Variants in CFAP299 observed in about 807,000 individuals in gnomAD.
The protein encoded by CFAP299 is cilia and flagella associated protein 299, also known as cilia- and flagella-associated protein 299.
Under a neutral mutation model 27.0 loss-of-function variants are expected in CFAP299, and 21 were observed. That is an observed-to-expected ratio of 0.78 (90% CI 0.55 to 1.12). CFAP299 has a LOEUF of 1.12. CFAP299 is among the 50% of genes most tolerant of loss of function. The probability of loss-of-function intolerance (pLI) is 0.00; values close to 1 mark genes in which losing one functional copy is unlikely to be tolerated. For missense variants in CFAP299, 310 were observed against 276.6 expected, an observed-to-expected ratio of 1.12 and a Z score of -0.86; for synonymous variants, 104 against 98.1, an observed-to-expected ratio of 1.06 and a Z score of -0.36.
At chr4:80,382,296 T>C (rs1724740857) in intron 2 of CFAP299, among the ~76,000 whole-genome samples, 1 of 152,210 alleles carries the variant, frequency 6.6e-6, no homozygotes, top group Non-Finnish European at 1.5e-5. Context: ...GCAAAACTGC[T>C]TGTCAGTCAA....
At chr4:80,943,286 C>T (rs751030259) in intron 4 of CFAP299, among the ~76,000 whole-genome samples, 2 of 151,996 alleles carry the variant, frequency 1.3e-5, no homozygotes, top group Non-Finnish European at 2.9e-5. Flanking sequence ...CTCCCAGTGA[C>T]ATAAATATAT....
Position 80,658,138 on chromosome 4 carries a change from C to A in CFAP299, c.333+74955C>A, listed in dbSNP as rs189499536. Among the ~76,000 whole-genome samples the A allele has an allele frequency of 5.0e-3, 768 of 152,188 alleles. 5 individuals are homozygous for A. Among genetic ancestry groups the A allele is most frequent in the Middle Eastern group, 0.02 (6 of 294 alleles). On this transcript the variant is annotated intron_variant, in intron 3 of 5. Coordinates refer to ENST00000358105, the MANE Select transcript of CFAP299 (RefSeq NM_152770.3). ...AGCTTAAGGAGATTTTGGGCTGAGA[C>A]GATGGGGTTTTCTAGGTATACAATC...
chr4:80,803,679 A>T (rs1728723075), intron 3 of CFAP299, among the ~76,000 whole-genome samples: 1 of 150,366 alleles, frequency 6.7e-6, no homozygotes, highest in Non-Finnish European at 1.5e-5. Context: ...AGTAAAATTA[A>T]TTTTATTATT....
At chr4:80,346,210 T>C (rs913998183) in intron 1 of CFAP299, among the ~76,000 whole-genome samples, 59 of 152,306 alleles carry the variant, frequency 3.9e-4, no homozygotes, top group Non-Finnish European at 6.8e-4. Flanking sequence ...AAAATTTTCT[T>C]CCATTCTGTA....
At chr4:80,750,372 T>C (rs1724862907) in intron 3 of CFAP299, among the ~76,000 whole-genome samples, 1 of 152,164 alleles carries the variant, frequency 6.6e-6, no homozygotes, top group African/African-American at 2.4e-5. Flanking sequence ...TTATTATATA[T>C]AATTACTGGG....
chr4:80,569,632 A>G (rs752063273), intron 2 of CFAP299, among the ~76,000 whole-genome samples: 5 of 152,082 alleles, frequency 3.3e-5, no homozygotes, highest in Non-Finnish European at 5.9e-5. Context: ...GCAAAATTGC[A>G]TGATGCAAGG....
chr4:80,385,005 A>C (rs1453446064), intron 2 of CFAP299, among the ~76,000 whole-genome samples: 2 of 152,208 alleles, frequency 1.3e-5, no homozygotes. Flanking sequence ...TAGGGTATAA[A>C]AAGTGATGTT....
chr4:80,490,035 G>A (rs896830611), intron 2 of CFAP299, among the ~76,000 whole-genome samples: 1 of 152,122 alleles, frequency 6.6e-6, no homozygotes, highest in Admixed American at 6.5e-5. Flanking sequence ...GCAGAAATTA[G>A]TATCTCCTGA....
intron 2 of CFAP299, among the ~76,000 whole-genome samples, chr4:80,393,203 AAG>A (rs1725588048): frequency 6.6e-6 from 1 of 152,222 alleles, no homozygotes. Context: ...ATATTAAAAA[AAG>A]AAAATATTTT....
chr4:80,448,607 G>A (rs970090724), intron 2 of CFAP299, among the ~76,000 whole-genome samples: 2 of 151,790 alleles, frequency 1.3e-5, no homozygotes, highest in Non-Finnish European at 2.9e-5. Context: ...CTTACTAAGA[G>A]ATCTAGATCC....
At chr4:80,354,102 G>T (rs780074181) in intron 1 of CFAP299, among the ~76,000 whole-genome samples, 1 of 151,942 alleles carries the variant, frequency 6.6e-6, no homozygotes, top group Non-Finnish European at 1.5e-5. Flanking sequence ...ATGAGCAAAG[G>T]GTTCATTTAA....
chr4:80,937,291 C>CTTTTTTAT, intron 4 of CFAP299, among the ~76,000 whole-genome samples: 1 of 86,212 alleles, frequency 1.2e-5, no homozygotes, highest in African/African-American at 5.0e-5. Context: ...TATCATTTTT[C>CTTTTTTAT]TTTTTTCTTT....
At chr4:80,435,809 C>A (rs993134660) in intron 2 of CFAP299, among the ~76,000 whole-genome samples, 4 of 152,110 alleles carry the variant, frequency 2.6e-5, no homozygotes, top group African/African-American at 9.7e-5. Flanking sequence ...CTATCAATTC[C>A]CCTTTTTGCT....
At chr4:80,388,009 C>A (rs1490070667) in intron 2 of CFAP299, 2 of 712,652 alleles carry the variant, frequency 2.8e-6, no homozygotes, top group East Asian at 2.5e-5. Flanking sequence ...GGTTTGGCAC[C>A]TCCAGGGGTG....
intron 4 of CFAP299, among the ~76,000 whole-genome samples, chr4:80,933,205 TA>T (rs1736714771): frequency 6.6e-6 from 1 of 151,582 alleles, no homozygotes; most frequent in Non-Finnish European, 1.5e-5. Context: ...TGAGAAAACT[TA>T]GGACCTACAG....
intron 4 of CFAP299, among the ~76,000 whole-genome samples, chr4:80,896,280 A>G (rs1734605961): frequency 6.6e-6 from 1 of 152,136 alleles, no homozygotes. Flanking sequence ...TGTAATACAC[A>G]TGTAATACAC....
chr4:80,795,291 A>G (rs998145497), intron 3 of CFAP299, among the ~76,000 whole-genome samples: 15 of 152,186 alleles, frequency 9.9e-5, no homozygotes. Flanking sequence ...GCCACAGCCC[A>G]TGAATCAGTA....
chr4:80,721,016 A>C (rs566487375), intron 3 of CFAP299, among the ~76,000 whole-genome samples: 1 of 152,314 alleles, frequency 6.6e-6, no homozygotes, highest in Admixed American at 6.5e-5. Context: ...GTAAACATTA[A>C]AGAAAAATGA....
At chr4:80,598,910 T>G (rs1306465413) in intron 3 of CFAP299, among the ~76,000 whole-genome samples, 1 of 152,174 alleles carries the variant, frequency 6.6e-6, no homozygotes, top group Non-Finnish European at 1.5e-5. Context: ...GCTAGAAACT[T>G]GACCACATTC....
Sources: allele counts gnomAD v4.1 joint callset (sites outside exome capture counted in the v4.1 genomes callset), GRCh38; gene constraint gnomAD v4.1.1; transcripts MANE v1.5; gene names NCBI Gene and HGNC (gene_info 2026-07-23, HGNC 2026-07-21).